UHRF2: variants seen among roughly 807,000 people sequenced by gnomAD.
UHRF2 encodes the protein ubiquitin like with PHD and ring finger domains 2.
A neutral mutation model predicts 96.8 loss-of-function variants in UHRF2; 23 were observed. The observed-to-expected ratio is 0.24, with a 90% CI of 0.17 to 0.34. The LOEUF (loss-of-function observed/expected upper bound fraction) is 0.34, where lower values mean the gene tolerates loss of function less well. Ranked by LOEUF, UHRF2 falls within the 10% of genes least tolerant of loss-of-function variation. The pLI, the probability that UHRF2 is intolerant of heterozygous loss-of-function variation, is 1.00. For synonymous variants in UHRF2, 385 were observed against 332.6 expected (o/e 1.16, Z -1.72); for missense variants, 685 against 981.5 (o/e 0.70, Z 4.04).
intron 4 of UHRF2, among the ~76,000 whole-genome samples, chr9:6,469,558 A>C (rs1463468346): frequency 3.9e-5 from 6 of 151,916 alleles, no homozygotes; most frequent in Middle Eastern, 3.4e-3. Context: ...CAAATAAGAC[A>C]CAGCAGAAGA....
At chr9:6,433,533 T>G (rs1009494984) in intron 2 of UHRF2, among the ~76,000 whole-genome samples, 3 of 152,212 alleles carry the variant, frequency 2.0e-5, no homozygotes, top group African/African-American at 7.2e-5. Flanking sequence ...ATGAAGAAAT[T>G]AATGGAACAG....
chr9:6,426,800 A>C (rs1820284331), intron 2 of UHRF2, among the ~76,000 whole-genome samples: 1 of 151,972 alleles, frequency 6.6e-6, no homozygotes, highest in Non-Finnish European at 1.5e-5. Context: ...CCCAGGCTGG[A>C]GTGCAGTGAG....
At chr9:6,467,455 T>TG in intron 4 of UHRF2, among the ~76,000 whole-genome samples, 1 of 152,282 alleles carries the variant, frequency 6.6e-6, no homozygotes, top group African/African-American at 2.4e-5. Context: ...TGAACCTCTT[T>TG]GGGGCCCATT....
chr9:6,418,231 C>T (rs2130711252), intron 1 of UHRF2, among the ~76,000 whole-genome samples: 1 of 148,346 alleles, frequency 6.7e-6, no homozygotes, highest in East Asian at 2.0e-4. Flanking sequence ...TTTTTCCCTC[C>T]ACGGGAGTTC....
chr9:6,417,512 C>G (rs573235986), intron 1 of UHRF2, among the ~76,000 whole-genome samples: 1 of 152,138 alleles, frequency 6.6e-6, no homozygotes, highest in Non-Finnish European at 1.5e-5. Flanking sequence ...GGAAGAACTT[C>G]GGTACTTTTC....
intron 3 of UHRF2, among the ~76,000 whole-genome samples, chr9:6,459,896 C>T (rs1408119823): frequency 6.6e-6 from 1 of 152,120 alleles, no homozygotes; most frequent in Admixed American, 6.5e-5. Flanking sequence ...TTTCTTGAGC[C>T]CAGGAGTTTG....
At chr9:6,456,296 G>C (rs548105626) in intron 3 of UHRF2, among the ~76,000 whole-genome samples, 210 of 152,230 alleles carry the variant, frequency 1.4e-3, no homozygotes, top group Non-Finnish European at 2.0e-3. Context: ...GTGATGATGA[G>C]CTTTTTTTCA....
At position 6,481,686 on chromosome 9, in the gene UHRF2, G is replaced by C; in HGVS notation, c.1204G>C (p.Ala402Pro). ...AACTGATTCCAGTGAAGTTGTAAAG[G>C]CTGGTGAAAGACTCAAGATGAGTAA... ...CKTDSSEVVK[A>P]GERLKMSKKK... Residue 402 changes from alanine to proline, a missense_variant, in exon 7 of 16, where the codon GCT becomes CCT. Physicochemically the swap from Ala to Pro is conservative, Grantham distance 27. Around this residue, in one of 6 missense-constraint regions of UHRF2, gnomAD observed 391 missense variants for 437.0 expected, o/e 0.89. Transcript: ENST00000276893. 6.2e-7 allele frequency: 1 copy of C among 1,613,682 alleles called. No individual in the cohort carries two copies. The highest frequency in any genetic ancestry group is 8.5e-7 in the Non-Finnish European group (1 of 1,179,794).
chr9:6,459,686 A>G (rs530041165), intron 3 of UHRF2, among the ~76,000 whole-genome samples: 1 of 152,256 alleles, frequency 6.6e-6, no homozygotes, highest in South Asian at 2.1e-4. Flanking sequence ...AAAACAAAAA[A>G]CTTGAGGCCT....
chr9:6,493,040 G>A (rs888849996), intron 9 of UHRF2, among the ~76,000 whole-genome samples: 6 of 152,178 alleles, frequency 3.9e-5, no homozygotes, highest in Non-Finnish European at 7.3e-5. Context: ...GGTCATGCCT[G>A]TAATCCCAGC....
At position 6,487,182 on chromosome 9, in the gene UHRF2, C is replaced by CTTTTT. The variant is rs1171978950; in HGVS notation, c.1497+278_1497+282dup. Among the ~76,000 whole-genome samples, 386 of 69,574 alleles carry CTTTTT rather than the reference C, an allele frequency of 5.5e-3. 4 individuals are homozygous for CTTTTT. Among genetic ancestry groups the CTTTTT allele is most frequent in the African/African-American group, 6.0e-3 (93 of 15,528 alleles). 45.6% of individuals were successfully genotyped at this position (69,574 alleles called of 152,430 possible). A position where few individuals can be genotyped will look rare whatever the true frequency, so the allele number is the denominator to read the frequency against. ...TCTATAGAGCTTTTATTTTTTTTTC[C>CTTTTT]TTTTTTTTTTTTTTTTTTTTTTTTT... On this transcript the variant is annotated intron_variant, in intron 9 of 15. Coordinates refer to ENST00000276893, the MANE Select transcript of UHRF2 (RefSeq NM_152896.3).
chr9:6,438,616 C>A (rs1820988559), intron 3 of UHRF2, among the ~76,000 whole-genome samples: 1 of 152,274 alleles, frequency 6.6e-6, no homozygotes, highest in South Asian at 2.1e-4. Flanking sequence ...TGTCATTTAG[C>A]AAAAGCAGGG....
intron 4 of UHRF2, among the ~76,000 whole-genome samples, chr9:6,472,065 G>T (rs1245974611): frequency 2.0e-5 from 3 of 152,070 alleles, no homozygotes; most frequent in Non-Finnish European, 4.4e-5. Context: ...ATGGATATAC[G>T]CATGTCACCA....
intron 9 of UHRF2, among the ~76,000 whole-genome samples, chr9:6,490,485 A>G (rs1435332519): frequency 2.0e-5 from 3 of 152,162 alleles, no homozygotes; most frequent in Non-Finnish European, 4.4e-5. Flanking sequence ...AAAATTACCC[A>G]GGCGTGGTGA....
chr9:6,463,042 G>A (rs561861268), intron 4 of UHRF2, among the ~76,000 whole-genome samples: 2 of 152,326 alleles, frequency 1.3e-5, no homozygotes, highest in African/African-American at 4.8e-5. Context: ...AGCACTTTGG[G>A]AGGCCAGGGT....
At chr9:6,490,502 C>G (rs892194858) in intron 9 of UHRF2, among the ~76,000 whole-genome samples, 14 of 152,182 alleles carry the variant, frequency 9.2e-5, no homozygotes, top group African/African-American at 3.1e-4. Flanking sequence ...GTGATGCATG[C>G]CTGTAATCCC....
intron 1 of UHRF2, among the ~76,000 whole-genome samples, 153 bp from the exon 2 acceptor site, chr9:6,420,759 T>G (rs1819887307): frequency 6.6e-6 from 1 of 151,466 alleles, no homozygotes; most frequent in African/African-American, 2.4e-5. Context: ...GAGAAGACAC[T>G]GACATCAGAG....
In UHRF2 at chr9:6,500,532, C is replaced by A. The variant is rs770327923; in HGVS notation, c.2006-20C>A. The stretch of plus-strand genomic sequence containing the variant: ...AGAACCACTTGTAAGTCTGCTGATA[C>A]ATTTTTAAAATAAATCTAGATGACT... On this transcript the variant is annotated intron_variant, in intron 13 of 15. Coordinates refer to ENST00000276893, the MANE Select transcript of UHRF2 (RefSeq NM_152896.3). 2 of 1,597,472 alleles carry A rather than the reference C, an allele frequency of 1.3e-6. No homozygotes were observed. Among genetic ancestry groups the A allele is most frequent in the African/African-American group, 2.7e-5 (2 of 74,124 alleles).
intron 3 of UHRF2, among the ~76,000 whole-genome samples, chr9:6,455,443 C>G (rs1822121595): frequency 6.6e-6 from 1 of 152,148 alleles, no homozygotes; most frequent in African/African-American, 2.4e-5. Context: ...CCAGCTTCAT[C>G]CCTGTCCCTA....
Sources: allele counts gnomAD v4.1 joint callset (sites outside exome capture counted in the v4.1 genomes callset), GRCh38; gene constraint gnomAD v4.1.1; regional missense constraint gnomAD v4.1.1; transcripts MANE v1.5; gene names NCBI Gene and HGNC (gene_info 2026-07-23, HGNC 2026-07-21).